GRM8: variants seen among roughly 807,000 people sequenced by gnomAD.
GRM8 encodes the protein metabotropic glutamate receptor 8.
GRM8 carries 47 observed loss-of-function variants against 87.2 expected under a neutral mutation model. The observed-to-expected ratio is 0.54, with a 90% CI of 0.43 to 0.69. The LOEUF (loss-of-function observed/expected upper bound fraction) is 0.69. GRM8 is among the 30% of genes least tolerant of loss of function. The pLI, the probability that GRM8 is intolerant of heterozygous loss-of-function variation, is 0.00. For synonymous variants in GRM8, 396 were observed against 404.5 expected (o/e 0.98, Z 0.25); for missense variants, 1,019 against 1,139.2 (o/e 0.89, Z 1.52).
chr7:127,080,414 T>C (rs543189110), intron 3 of GRM8, among the ~76,000 whole-genome samples: 1 of 152,318 alleles, frequency 6.6e-6, no homozygotes, highest in East Asian at 1.9e-4. Context: ...TTAAAGCCAC[T>C]AGATTTGTGG....
intron 8 of GRM8, among the ~76,000 whole-genome samples, chr7:126,562,138 C>T (rs1403481015): frequency 6.6e-6 from 1 of 151,986 alleles, no homozygotes; most frequent in African/African-American, 2.4e-5. Flanking sequence ...AAAAATTAGA[C>T]ATGATAAAAC....
At chr7:127,172,011 T>C (rs1215394470) in intron 2 of GRM8, among the ~76,000 whole-genome samples, 1 of 148,946 alleles carries the variant, frequency 6.7e-6, no homozygotes, top group Non-Finnish European at 1.5e-5. Flanking sequence ...TAAATAATTA[T>C]AGGATATTAC....
chr7:127,116,935 A>G (rs1003578112), intron 2 of GRM8, among the ~76,000 whole-genome samples: 34 of 152,218 alleles, frequency 2.2e-4, no homozygotes, highest in Non-Finnish European at 4.0e-4. Context: ...ATTTATCAGC[A>G]GGGACTTGCA....
chr7:126,447,019 C>T (rs1802089789), intron 9 of GRM8: 1 of 151,990 alleles, frequency 6.6e-6, no homozygotes, highest in Admixed American at 6.6e-5. Context: ...TATGTAAGAT[C>T]TCCTCCCTCC....
At chr7:127,078,299 G>A (rs1406295889) in intron 3 of GRM8, among the ~76,000 whole-genome samples, 7 of 152,012 alleles carry the variant, frequency 4.6e-5, no homozygotes, top group South Asian at 2.1e-4. Context: ...ACACACCACC[G>A]TCCTACCATC....
At chr7:126,804,714 C>T (rs749218409) in intron 6 of GRM8, among the ~76,000 whole-genome samples, 26 of 152,170 alleles carry the variant, frequency 1.7e-4, no homozygotes, top group Non-Finnish European at 3.5e-4. Flanking sequence ...CCTTTCTTTA[C>T]GGCTGATTAC....
At chr7:126,484,740 T>A (rs916615) in intron 9 of GRM8, among the ~76,000 whole-genome samples, 48,084 of 151,866 alleles carry the variant, frequency 0.32, 7,977 homozygotes, top group South Asian at 0.45. Context: ...TCCACGGAAA[T>A]CAAATTTGTA....
At chr7:126,660,051 A>G (rs140016428) in intron 7 of GRM8, among the ~76,000 whole-genome samples, 106 of 152,304 alleles carry the variant, frequency 7.0e-4, no homozygotes, top group African/African-American at 2.4e-3. Flanking sequence ...GTTTTTATGT[A>G]GCTAAATTTT....
chr7:126,628,166 G>A (rs1242346411), intron 7 of GRM8, among the ~76,000 whole-genome samples: 1 of 152,112 alleles, frequency 6.6e-6, no homozygotes, highest in Non-Finnish European at 1.5e-5. Context: ...TCCTGCCTCA[G>A]CCTCCTGAGT....
intron 7 of GRM8, among the ~76,000 whole-genome samples, chr7:126,727,023 T>C (rs1813067047): frequency 6.6e-6 from 1 of 152,112 alleles, no homozygotes; most frequent in Admixed American, 6.6e-5. Context: ...CAATTAGCTA[T>C]GTTCCAATTA....
At chr7:126,637,248 G>A (rs944278142) in intron 7 of GRM8, among the ~76,000 whole-genome samples, 8 of 152,122 alleles carry the variant, frequency 5.3e-5, no homozygotes, top group Admixed American at 2.0e-4. Context: ...ATTTGGGTGC[G>A]AGGGAAGGAT....
intron 7 of GRM8, among the ~76,000 whole-genome samples, chr7:126,749,202 G>A (rs13237160): frequency 6.6e-6 from 1 of 151,798 alleles, no homozygotes; most frequent in Non-Finnish European, 1.5e-5. Context: ...CGCTTGAACC[G>A]GGAGGGAGAG....
intron 9 of GRM8, among the ~76,000 whole-genome samples, chr7:126,526,171 T>G (rs1813797878): frequency 6.6e-6 from 1 of 152,206 alleles, no homozygotes; most frequent in Admixed American, 6.5e-5. Context: ...ATAAAAAGTG[T>G]CTTACAAAAT....
intron 7 of GRM8, among the ~76,000 whole-genome samples, chr7:126,632,798 T>G (rs905545722): frequency 6.6e-6 from 1 of 152,044 alleles, no homozygotes; most frequent in African/African-American, 2.4e-5. Context: ...TATCAAATAC[T>G]GCATGTTCTT....
chr7:127,187,252 T>C (rs1031572965), intron 2 of GRM8, among the ~76,000 whole-genome samples: 1 of 152,146 alleles, frequency 6.6e-6, no homozygotes, highest in African/African-American at 2.4e-5. Flanking sequence ...AAGAACATCG[T>C]TTAATATCAA....
chr7:126,661,674 G>A (rs1447803549), intron 7 of GRM8, among the ~76,000 whole-genome samples: 1 of 152,170 alleles, frequency 6.6e-6, no homozygotes, highest in Non-Finnish European at 1.5e-5. Context: ...AATGGGCTGT[G>A]GGGAGACTTT....
In GRM8 at chr7:126,977,294, A is replaced by G. The variant is rs140317938; in HGVS notation, c.728-72611T>C. 9.2e-5 allele frequency among the ~76,000 whole-genome samples: 14 copies of G among 152,352 alleles called. No individual in the cohort carries two copies. The East Asian group carries it at 2.3e-3, about 25-fold the overall frequency. On this transcript the variant is annotated intron_variant, in intron 3 of 10. Transcript: ENST00000339582. ...TGCTGACTAGAAAATAGTGGATTTC[A>G]TTTGATATGGCAAAGCAACTTGTTA...
chr7:126,609,264 A>G, intron 8 of GRM8, 98 bp downstream of exon 8: 1 of 791,584 alleles, frequency 1.3e-6, no homozygotes, highest in Non-Finnish European at 2.0e-6. Context: ...GAGTTTATTT[A>G]TGGGGAAAAC....
At chr7:126,441,778 C>A (rs965690657) in intron 10 of GRM8, among the ~76,000 whole-genome samples, 1 of 134,180 alleles carries the variant, frequency 7.5e-6, no homozygotes, top group South Asian at 2.4e-4. Context: ...TTCACAACCA[C>A]TAAAATTAAC....
Sources: allele counts gnomAD v4.1 joint callset (sites outside exome capture counted in the v4.1 genomes callset), GRCh38; gene constraint gnomAD v4.1.1; transcripts MANE v1.5; gene names NCBI Gene and HGNC (gene_info 2026-07-23, HGNC 2026-07-21).